The following GRM5 variants were observed in gnomAD, a reference collection of about 807,000 sequenced individuals.
GRM5 encodes glutamate metabotropic receptor 5.
Under a neutral mutation model 83.1 loss-of-function variants are expected in GRM5, and 19 were observed. The observed-to-expected ratio is 0.23, with a 90% CI of 0.16 to 0.34. The LOEUF is 0.34. Ranked by LOEUF, GRM5 falls within the 10% of genes least tolerant of loss-of-function variation. GRM5 has a pLI of 1.00. For synonymous variants in GRM5, 675 were observed against 633.6 expected (o/e 1.07, Z -0.98); for missense variants, 1,160 against 1,588.3 (o/e 0.73, Z 4.58).
At chr11:88,886,811 T>A (rs958889686) in intron 2 of GRM5, among the ~76,000 whole-genome samples, 3 of 152,116 alleles carry the variant, frequency 2.0e-5, no homozygotes, top group African/African-American at 7.2e-5. Flanking sequence ...GTATGGGAAA[T>A]TTTATAGTTC....
chr11:88,979,344 T>C (rs1939449390), intron 2 of GRM5, among the ~76,000 whole-genome samples: 1 of 152,236 alleles, frequency 6.6e-6, no homozygotes, highest in Admixed American at 6.5e-5. Flanking sequence ...AAAATGATTT[T>C]TTGAAACACT....
In GRM5 at chr11:88,879,757, C is replaced by A. The variant is rs181416744; in HGVS notation, c.662-29602G>T. 4.6e-3 allele frequency among the ~76,000 whole-genome samples: 694 copies of A among 152,020 alleles called. 4 individuals are homozygous for A. The highest frequency in any genetic ancestry group is 0.016 in the African/African-American group (656 of 41,486). On this transcript the variant is annotated intron_variant, in intron 2 of 9. Transcript: ENST00000305447. Reference sequence around the variant, plus strand: ...CATCTACCTTGGTAGATGAAATGATCAGTATGGCAAGCATTATCAGATAAT... The same window carrying A: ...CATCTACCTTGGTAGATGAAATGATAAGTATGGCAAGCATTATCAGATAAT...
At chr11:88,989,112 A>C (rs2135042537) in intron 2 of GRM5, among the ~76,000 whole-genome samples, 1 of 151,236 alleles carries the variant, frequency 6.6e-6, no homozygotes, top group South Asian at 2.1e-4. Context: ...TATTCAGGAA[A>C]CCCATCTCAC....
rs184078102 is a variant in GRM5, at chr11:88,553,941, T to C, written c.2630+13112A>G. Among the ~76,000 whole-genome samples, 9 of 151,946 alleles carry C rather than the reference T, an allele frequency of 5.9e-5. No homozygotes were observed. In the East Asian group the frequency reaches 1.4e-3, roughly 23 times the overall value. On this transcript the variant is annotated intron_variant, in intron 8 of 9. Coordinates refer to ENST00000305447, the MANE Select transcript of GRM5 (RefSeq NM_001143831.3). ...CCAAGATAGTCTACCTTTTAAGGAG[T>C]GTTGTGGTTAGGAAAGGATCATTCA... is the stretch of plus-strand genomic sequence containing the variant.
chr11:88,523,525 G>A (rs1379228446), intron 9 of GRM5, among the ~76,000 whole-genome samples: 1 of 152,132 alleles, frequency 6.6e-6, no homozygotes, highest in Non-Finnish European at 1.5e-5. Context: ...TCCACAAAAT[G>A]ATCCTCTGAG....
intron 3 of GRM5, among the ~76,000 whole-genome samples, chr11:88,711,077 A>C (rs1354147240): frequency 6.6e-6 from 1 of 152,058 alleles, no homozygotes; most frequent in Non-Finnish European, 1.5e-5. Context: ...ATCACTAGTG[A>C]TAGTGCACCA....
intron 3 of GRM5, among the ~76,000 whole-genome samples, chr11:88,738,575 T>C (rs1230832472): frequency 6.6e-6 from 1 of 152,110 alleles, no homozygotes; most frequent in East Asian, 1.9e-4. Context: ...AAGAAAGCAA[T>C]GCAAATACCT....
chr11:88,835,926 T>C (rs879052598), intron 3 of GRM5, among the ~76,000 whole-genome samples: 4 of 152,220 alleles, frequency 2.6e-5, no homozygotes, highest in Admixed American at 1.3e-4. Flanking sequence ...TCCTTTGTTC[T>C]GGTTCTCCTC....
At chr11:88,804,437 C>T (rs1221565374) in intron 3 of GRM5, among the ~76,000 whole-genome samples, 1 of 150,348 alleles carries the variant, frequency 6.7e-6, no homozygotes, top group Non-Finnish European at 1.5e-5. Context: ...ATCGCAAGAA[C>T]AAAAAACCAA....
At chr11:88,909,896 G>A (rs546199904) in intron 2 of GRM5, among the ~76,000 whole-genome samples, 1 of 152,164 alleles carries the variant, frequency 6.6e-6, no homozygotes, top group South Asian at 2.1e-4. Flanking sequence ...GAGATTATGA[G>A]TATATACTTT....
At chr11:88,749,295 C>G (rs1418610958) in intron 3 of GRM5, among the ~76,000 whole-genome samples, 1 of 152,156 alleles carries the variant, frequency 6.6e-6, no homozygotes, top group Non-Finnish European at 1.5e-5. Context: ...TCACAACGCA[C>G]TCACAAGTAT....
At chr11:88,778,116 G>A (rs1323707132) in intron 3 of GRM5, among the ~76,000 whole-genome samples, 2 of 151,732 alleles carry the variant, frequency 1.3e-5, no homozygotes, top group Admixed American at 6.6e-5. Context: ...CCGCCCATTT[G>A]GAGCTTCCTT....
At chr11:89,019,666 C>T (rs1179465773) in intron 2 of GRM5, among the ~76,000 whole-genome samples, 1 of 152,142 alleles carries the variant, frequency 6.6e-6, no homozygotes, top group East Asian at 1.9e-4. Context: ...GAATACACTG[C>T]CACTGCATTC....
At chr11:88,958,544 A>G (rs1181985620) in intron 2 of GRM5, among the ~76,000 whole-genome samples, 1 of 152,116 alleles carries the variant, frequency 6.6e-6, no homozygotes, top group Non-Finnish European at 1.5e-5. Context: ...ATTTCAATAT[A>G]AAATATAACT....
chr11:88,931,796 T>A (rs1341740210), intron 2 of GRM5, among the ~76,000 whole-genome samples: 2 of 152,170 alleles, frequency 1.3e-5, no homozygotes, highest in Non-Finnish European at 2.9e-5. Context: ...TGGGCTGAAA[T>A]ATTTTTGAGG....
chr11:88,616,451 T>A (rs1331384946), intron 4 of GRM5, among the ~76,000 whole-genome samples: 1 of 150,558 alleles, frequency 6.6e-6, no homozygotes, highest in Admixed American at 6.6e-5. Context: ...TCATTAAAAA[T>A]TTTTTACTTT....
At chr11:88,882,907 C>A (rs371989228) in intron 2 of GRM5, among the ~76,000 whole-genome samples, 8 of 152,078 alleles carry the variant, frequency 5.3e-5, no homozygotes, top group African/African-American at 1.9e-4. Flanking sequence ...ATAAGTCTCA[C>A]AAGATCTGAT....
chr11:88,706,544 A>T (rs923961699), intron 3 of GRM5, among the ~76,000 whole-genome samples: 1 of 152,100 alleles, frequency 6.6e-6, no homozygotes, highest in Admixed American at 6.6e-5. Context: ...GATACAATTT[A>T]TCATCTAACC....
chr11:88,953,510 T>G (rs624913), intron 2 of GRM5, among the ~76,000 whole-genome samples: 74,312 of 152,074 alleles, frequency 0.49, 20,327 homozygotes, highest in South Asian at 0.7. Context: ...ATATACACTC[T>G]GATGGCCTGT....
Sources: gnomAD v4.1 joint callset for allele counts (sites outside exome capture counted in the v4.1 genomes callset) on GRCh38, gnomAD v4.1.1 for gene constraint, MANE v1.5 for transcripts, NCBI Gene and HGNC (gene_info 2026-07-23, HGNC 2026-07-21) for gene names.